Variants in TTLL3 observed in about 807,000 individuals in gnomAD.
TTLL3 encodes tubulin monoglycylase TTLL3.
In TTLL3, 63 loss-of-function variants were observed where a neutral mutation model predicts 75.2. That is an observed-to-expected ratio of 0.84 (90% CI 0.68 to 1.03). TTLL3 has a LOEUF of 1.03. TTLL3 is among the 50% of genes least tolerant of loss of function. TTLL3 has a pLI of 0.00. For synonymous variants in TTLL3, 393 were observed against 418.5 expected, an observed-to-expected ratio of 0.94 and a Z score of 0.74; for missense variants, 997 against 1,069.9, an observed-to-expected ratio of 0.93 and a Z score of 0.95.
At chr3:9,825,751 C>A (rs747246710) in intron 8 of TTLL3, 49 bp from the exon 9 acceptor site, 1 of 1,613,992 alleles carries the variant, frequency 6.2e-7, no homozygotes, top group African/African-American at 1.3e-5. Flanking sequence ...CCCTCTCCAC[C>A]TGCATGTCCC....
In TTLL3 at chr3:9,820,650, C is replaced by A. The variant is rs1181748981; in HGVS notation, c.763C>A (p.His255Asn). The A allele has an allele frequency of 1.9e-6, 3 of 1,613,986 alleles. No homozygotes were observed. In the Admixed American group the frequency reaches 5.0e-5, roughly 27 times the overall value. Residue 255 changes from histidine to asparagine, a missense_variant, in exon 8 of 14, where the codon CAC (histidine) becomes AAC (asparagine). Physicochemically the swap from His to Asn is moderately conservative, Grantham distance 68 (BLOSUM62 1). Transcript: ENST00000685419. ...CGAGGAGTACCTTAGCAACTTGGCCCACATGGACATCGACAAGGACCTGGA... is the reference window on the plus strand; with the variant it reads ...CGAGGAGTACCTTAGCAACTTGGCCAACATGGACATCGACAAGGACCTGGA... ...ACEEYLSNLA[H>N]MDIDKDLEAP...
At chr3:9,825,380 G>C (rs1315346475) in intron 8 of TTLL3, 1 of 225,536 alleles carries the variant, frequency 4.4e-6, no homozygotes, top group Non-Finnish European at 9.1e-6. Context: ...GTGGGTACTA[G>C]TAATACTTCC....
chr3:9,829,434 G>A (rs182836448), intron 11 of TTLL3, 39 bp downstream of exon 11: 2 of 1,543,728 alleles, frequency 1.3e-6, no homozygotes, highest in Non-Finnish European at 1.7e-6. Context: ...CAGAGAGTCT[G>A]CACCCTCTTC....
At chr3:9,829,534 C>A in intron 11 of TTLL3, 139 bp downstream of exon 11, 1 of 1,088,446 alleles carries the variant, frequency 9.2e-7, no homozygotes, top group Non-Finnish European at 1.3e-6. Context: ...GGTGACCTCA[C>A]TTCCTTGAGC....
chr3:9,826,002 G>T, intron 9 of TTLL3, 54 bp downstream of exon 9: 1 of 1,592,002 alleles, frequency 6.3e-7, no homozygotes, highest in Non-Finnish European at 8.6e-7. Context: ...GCATCTACCA[G>T]TAGAGGCCAA....
intron 9 of TTLL3, 80 bp from the exon 10 acceptor site, chr3:9,826,917 G>C: frequency 6.3e-7 from 1 of 1,592,746 alleles, no homozygotes. Context: ...GCTCCGAGGG[G>C]ACAAGAGCTC....
chr3:9,826,027 C>T (rs972766391), intron 9 of TTLL3, 79 bp downstream of exon 9: 1 of 1,550,932 alleles, frequency 6.4e-7, no homozygotes, highest in African/African-American at 1.4e-5. Context: ...GTTAATAGTG[C>T]AGGTCTATTG....
In TTLL3 at chr3:9,828,959, G is replaced by C; in HGVS notation, c.1248-1G>C. 6.2e-7 allele frequency: 1 copy of C among 1,614,124 alleles called. No individual in the cohort carries two copies. The highest frequency in any genetic ancestry group is 8.5e-7 in the Non-Finnish European group (1 of 1,179,978). The stretch of plus-strand genomic sequence containing the variant: ...CCTCAGTTTTCTGTTCTCTGCCCCA[G>C]CTCAGTGCACCTGTGCAACAACTCC... On this transcript the variant is annotated splice_acceptor_variant, in intron 10 of 13. Transcript: ENST00000685419. LOFTEE classifies it high-confidence loss of function.
At chr3:9,825,986 C>T in intron 9 of TTLL3, 38 bp downstream of exon 9, 1 of 1,602,912 alleles carries the variant, frequency 6.2e-7, no homozygotes, top group Non-Finnish European at 8.5e-7. Flanking sequence ...TGGCACCTCA[C>T]CACCTGCATC....
chr3:9,817,951 C>T (rs1410060980), intron 6 of TTLL3, 192 bp downstream of exon 6: 4 of 707,252 alleles, frequency 5.7e-6, no homozygotes, highest in South Asian at 2.0e-5. Flanking sequence ...GCTTGGTCAA[C>T]TCTGACCTCC....
chr3:9,814,313 G>C lies in TTLL3; in HGVS notation c.315+968G>C, dbSNP rs1402883060. Among the ~76,000 whole-genome samples the C allele has an allele frequency of 2.0e-5, 3 of 151,806 alleles. No individual in the cohort carries two copies. In the East Asian group the frequency reaches 5.8e-4, roughly 29 times the overall value. On this transcript the variant is annotated intron_variant, in intron 4 of 13. Transcript: ENST00000685419. The stretch of plus-strand genomic sequence containing the variant: ...ATCACGCCACTGCACCCCAGCCTGG[G>C]TGACAGAGCGAGACTCCGTCTGAAA...
At chr3:9,828,767 A>G (rs1575407066) in intron 10 of TTLL3, 193 bp from the exon 11 acceptor site, 1 of 694,474 alleles carries the variant, frequency 1.4e-6, no homozygotes, top group East Asian at 2.7e-5. Context: ...CTGAGAGATA[A>G]GAGTGGTTCT....
rs889893946 is a variant in TTLL3, at chr3:9,819,799, C to G, written c.659-747C>G. On this transcript the variant is annotated intron_variant, in intron 7 of 13. Transcript: ENST00000685419. ...CAGAGAGACTCCCCCATTGCTGTCTCTTGTGTGTGTCATGCACAAGGAAGG... is the reference window on the plus strand; with the variant it reads ...CAGAGAGACTCCCCCATTGCTGTCTGTTGTGTGTGTCATGCACAAGGAAGG... The G allele has an allele frequency of 1.0e-5, 10 of 985,380 alleles. No homozygotes were observed. The African/African-American group carries it at 1.7e-4, about 17-fold the overall frequency. 61.0% of individuals were successfully genotyped at this position (985,380 alleles called of 1,614,324 possible).
rs1269212457 is a variant in TTLL3, at chr3:9,826,980, GC to G, written c.1004-14del. ...ACGCCTGACCTTCCAATCCCTGACT[GC>G]CCTCTTCCCCCGTAGGCATCATGTG... is the stretch of plus-strand genomic sequence containing the variant. On this transcript the variant is annotated splice_polypyrimidine_tract_variant and intron_variant, in intron 9 of 13. Coordinates refer to ENST00000685419, the MANE Select transcript of TTLL3 (RefSeq NM_001387446.1). 1 of 1,613,918 alleles carries G rather than the reference GC, an allele frequency of 6.2e-7. No individual in the cohort carries two copies. Among genetic ancestry groups the G allele is most frequent in the East Asian group, 2.2e-5 (1 of 44,866 alleles).
At chr3:9,818,153 C>T (rs2080066035) in intron 6 of TTLL3, 1 of 181,208 alleles carries the variant, frequency 5.5e-6, no homozygotes, top group Non-Finnish European at 1.2e-5. Flanking sequence ...GTTCTAAATT[C>T]AGGTTAGAAT....
chr3:9,830,966 C>A (rs2081467559), intron 11 of TTLL3, among the ~76,000 whole-genome samples: 2 of 152,264 alleles, frequency 1.3e-5, no homozygotes, highest in African/African-American at 4.8e-5. Flanking sequence ...CCATGCCCGG[C>A]TAATTTTTTG....
chr3:9,829,400 G>A lies in TTLL3; in HGVS notation c.1683+5G>A, dbSNP rs759680594. ...TTTGAGCTCATCTATAAGCAGGTGA[G>A]GAGGTTGGGCCCAGGCAGGACCCCA... is the stretch of plus-strand genomic sequence containing the variant. On this transcript the variant is annotated splice_donor_5th_base_variant and intron_variant, in intron 11 of 13. Coordinates refer to ENST00000685419, the MANE Select transcript of TTLL3 (RefSeq NM_001387446.1). The A allele has an allele frequency of 2.5e-6, 4 of 1,579,740 alleles. No homozygotes were observed. In the African/African-American group the frequency reaches 5.4e-5, roughly 21 times the overall value.
chr3:9,818,785 T>C (rs569814138), intron 6 of TTLL3, 37 bp from the exon 7 acceptor site: 4 of 1,613,824 alleles, frequency 2.5e-6, no homozygotes, highest in Non-Finnish European at 3.4e-6. Flanking sequence ...GCCTCAAGCC[T>C]AGGGGCTGAG....
chr3:9,828,732 C>T (rs771566875), intron 10 of TTLL3: 14 of 598,928 alleles, frequency 2.3e-5, no homozygotes, highest in Admixed American at 3.1e-5. Context: ...CTGCGGCCCC[C>T]GTAACTAGCG....
Sources: allele counts gnomAD v4.1 joint callset (sites outside exome capture counted in the v4.1 genomes callset), GRCh38; gene constraint gnomAD v4.1.1; transcripts MANE v1.5; gene names NCBI Gene and HGNC (gene_info 2026-07-23, HGNC 2026-07-21).